Variants in PHIP observed in about 807,000 individuals in gnomAD.
PHIP encodes PH-interacting protein.
In PHIP, 54 loss-of-function variants were observed where a neutral mutation model predicts 236.8. That is an observed-to-expected ratio of 0.23 (90% CI 0.18 to 0.29). The LOEUF is 0.29. PHIP is among the 10% of genes least tolerant of loss of function. PHIP has a pLI of 1.00. For synonymous variants in PHIP, 756 were observed against 718.9 expected (o/e 1.05, Z -0.83); for missense variants, 1,370 against 2,190.8 (o/e 0.63, Z 7.48).
chr6:79,032,155 A>T (rs1771705439), intron 7 of PHIP, among the ~76,000 whole-genome samples: 2 of 152,248 alleles, frequency 1.3e-5, no homozygotes, highest in African/African-American at 4.8e-5. Flanking sequence ...AAAAATGCTA[A>T]TTATCTGAAA....
intron 35 of PHIP, 40 bp from the exon 36 acceptor site, chr6:78,947,815 C>A (rs375775755): frequency 5.7e-6 from 8 of 1,400,696 alleles, no homozygotes; most frequent in Admixed American, 1.8e-5. Flanking sequence ...ATTATTACTA[C>A]ACAAAGCATC....
intron 35 of PHIP, among the ~76,000 whole-genome samples, chr6:78,951,553 T>A (rs913800543): frequency 6.6e-6 from 1 of 152,202 alleles, no homozygotes; most frequent in Admixed American, 6.5e-5. Flanking sequence ...CTTTTTCTCT[T>A]CTGTGACAGT....
intron 7 of PHIP, among the ~76,000 whole-genome samples, chr6:79,026,809 AATAGAG>A (rs1771426827): frequency 6.6e-6 from 1 of 151,802 alleles, no homozygotes. Flanking sequence ...ATATAGCCAA[AATAGAG>A]ATAGAACATT....
intron 7 of PHIP, among the ~76,000 whole-genome samples, chr6:79,041,235 TG>T (rs1273612222): frequency 6.6e-6 from 1 of 152,086 alleles, no homozygotes; most frequent in African/African-American, 2.4e-5. Context: ...AGTGACAAAC[TG>T]GGTTTGAGAC....
At chr6:79,074,082 G>A (rs1478193852) in intron 4 of PHIP, among the ~76,000 whole-genome samples, 1 of 151,870 alleles carries the variant, frequency 6.6e-6, no homozygotes, top group Non-Finnish European at 1.5e-5. Context: ...CTGTCAGCGG[G>A]GCTTAAAACC....
At chr6:78,988,665 TTCA>T (rs1769019180) in intron 20 of PHIP, among the ~76,000 whole-genome samples, 1 of 152,148 alleles carries the variant, frequency 6.6e-6, no homozygotes, top group Non-Finnish European at 1.5e-5. Context: ...TATTTTAACA[TTCA>T]TCAAGTTAAA....
intron 6 of PHIP, among the ~76,000 whole-genome samples, chr6:79,053,710 T>C (rs1772917356): frequency 6.6e-6 from 1 of 152,128 alleles, no homozygotes; most frequent in Non-Finnish European, 1.5e-5. Flanking sequence ...GAGAAAATAA[T>C]ATCATAATTT....
intron 6 of PHIP, among the ~76,000 whole-genome samples, chr6:79,044,065 T>C (rs1209212807): frequency 1.3e-5 from 2 of 152,008 alleles, no homozygotes; most frequent in African/African-American, 4.8e-5. Context: ...TGGCTCACAC[T>C]ATATTTCCAA....
At chr6:79,070,370 T>G in intron 4 of PHIP, among the ~76,000 whole-genome samples, 1 of 152,198 alleles carries the variant, frequency 6.6e-6, no homozygotes, top group Non-Finnish European at 1.5e-5. Context: ...CAGTTTCATT[T>G]TTAATGTTTC....
At chr6:79,055,887 T>C (rs1285509278) in intron 6 of PHIP, among the ~76,000 whole-genome samples, 3 of 152,210 alleles carry the variant, frequency 2.0e-5, no homozygotes, top group Non-Finnish European at 4.4e-5. Context: ...AATCAGTTTC[T>C]GGTTTGGTGA....
intron 23 of PHIP, among the ~76,000 whole-genome samples, chr6:78,980,155 C>T (rs1238769022): frequency 2.0e-5 from 3 of 152,018 alleles, no homozygotes; most frequent in African/African-American, 7.2e-5. Flanking sequence ...CAAGTCTGGC[C>T]TGCCACAATT....
At chr6:79,077,301 C>T (rs1030335704) in intron 4 of PHIP, 147 bp downstream of exon 4, 13 of 776,680 alleles carry the variant, frequency 1.7e-5, no homozygotes, top group Non-Finnish European at 2.7e-5. Flanking sequence ...CCCCGCAGAC[C>T]CCGCGCCGGC....
chr6:79,027,111 A>G (rs1582245451), intron 7 of PHIP, among the ~76,000 whole-genome samples: 1 of 152,286 alleles, frequency 6.6e-6, no homozygotes, highest in East Asian at 1.9e-4. Context: ...GAAAGAACTC[A>G]GAGGACCTAT....
chr6:78,956,572 AG>A (rs1223709951), intron 32 of PHIP: 3 of 152,102 alleles, frequency 2.0e-5, no homozygotes, highest in African/African-American at 7.2e-5. Context: ...TCATATTCAA[AG>A]CCACCCACGA....
rs1414316482 is a variant in PHIP at position 78,945,457 on chromosome 6, A to G, written c.4671T>C (p.Thr1557=). The G allele has an allele frequency of 6.2e-7, 1 of 1,611,050 alleles. No homozygotes were observed. The highest frequency in any genetic ancestry group is 8.5e-7 in the Non-Finnish European group (1 of 1,177,400). The part of the protein sequence containing the change: ...NSVKHSKALN[T]LSSPGQSSFS... ...AACTGGATTGACCAGGACTGGAAAG[A>G]GTATTCAAAGCTTTGGAATGTTTCA... Residue 1557 remains threonine (T), a synonymous_variant, in exon 39 of 40, where the codon ACT becomes ACC. Coordinates refer to ENST00000275034, the MANE Select transcript of PHIP (RefSeq NM_017934.7).
At chr6:78,968,802 C>T (rs953393091) in intron 27 of PHIP, among the ~76,000 whole-genome samples, 1 of 152,154 alleles carries the variant, frequency 6.6e-6, no homozygotes, top group Non-Finnish European at 1.5e-5. Context: ...CCCACAATCT[C>T]TAACAGCTCA....
rs533070692 is a variant in PHIP, at chr6:78,951,481, TA to T, written c.4053+3332del. ...TATGAAGTGCATGATCTGCCTTAAA[TA>T]TTCCACTAAAGGATGATACAGTTAA... is the stretch of plus-strand genomic sequence containing the variant. On this transcript the variant is annotated intron_variant, in intron 35 of 39. Coordinates refer to ENST00000275034, the MANE Select transcript of PHIP (RefSeq NM_017934.7). 2.0e-5 allele frequency among the ~76,000 whole-genome samples: 3 copies of T among 152,328 alleles called. No homozygotes were observed. The South Asian group carries it at 6.2e-4, about 32-fold the overall frequency.
At chr6:79,041,529 A>G (rs1224937691) in intron 7 of PHIP, among the ~76,000 whole-genome samples, 1 of 152,090 alleles carries the variant, frequency 6.6e-6, no homozygotes, top group Non-Finnish European at 1.5e-5. Flanking sequence ...CTCCTTTTTC[A>G]TTATTTTAAT....
At chr6:79,021,165 G>T (rs1422273246) in intron 9 of PHIP, among the ~76,000 whole-genome samples, 8 of 151,918 alleles carry the variant, frequency 5.3e-5, no homozygotes, top group Admixed American at 1.3e-4. Context: ...TTTTTTATTG[G>T]AGACAGAGGC....
Sources: allele counts gnomAD v4.1 joint callset (sites outside exome capture counted in the v4.1 genomes callset), GRCh38; gene constraint gnomAD v4.1.1; transcripts MANE v1.5; gene names NCBI Gene and HGNC (gene_info 2026-07-23, HGNC 2026-07-21).